Variants in KCNN2 observed in about 807,000 individuals in gnomAD.
KCNN2 encodes the protein potassium calcium-activated channel subfamily N member 2, also known as small conductance calcium-activated potassium channel protein 2.
In KCNN2, 24 loss-of-function variants were observed where a neutral mutation model predicts 55.5. The ratio of observed to expected loss-of-function variants is 0.43; its 90% confidence interval spans 0.31 to 0.61. The LOEUF (loss-of-function observed/expected upper bound fraction) is 0.61, where lower values mean the gene tolerates loss of function less well. Among genes scored for constraint, KCNN2 ranks in the 20% least tolerant of loss-of-function variants. The pLI, the probability that KCNN2 is intolerant of heterozygous loss-of-function variation, is 0.08. For synonymous variants in KCNN2, 431 were observed against 336.1 expected, an observed-to-expected ratio of 1.28 and a Z score of -3.09; for missense variants, 754 against 853.6, an observed-to-expected ratio of 0.88 and a Z score of 1.45.
At chr5:114,306,071 T>C (rs1047258279) in intron 2 of KCNN2, among the ~76,000 whole-genome samples, 5 of 152,200 alleles carry the variant, frequency 3.3e-5, no homozygotes, top group Non-Finnish European at 7.3e-5. Flanking sequence ...ATAGATTGCA[T>C]TATGACAGAG....
At chr5:114,346,198 C>T (rs748751163) in intron 2 of KCNN2, among the ~76,000 whole-genome samples, 7 of 152,148 alleles carry the variant, frequency 4.6e-5, no homozygotes, top group Non-Finnish European at 7.3e-5. Context: ...CTTATTAACA[C>T]TCACTCACTA....
In KCNN2 at chr5:114,363,057, C is replaced by CGGCGGT. The variant is rs759018681; in HGVS notation, c.924_929dup (p.Gly309_Gly310dup). On this transcript the variant is annotated inframe_insertion, in exon 1 of 8. Coordinates refer to ENST00000673685, the MANE Select transcript of KCNN2 (RefSeq NM_021614.4). ...GCGGAGGCAGCACTGGAGGAGGCGG[C>CGGCGGT]GGCGGTGGCGGGAGCGGGCACGGCA... 7.3e-5 allele frequency: 117 copies of CGGCGGT among 1,607,074 alleles called. No individual in the cohort carries two copies. The highest frequency in any genetic ancestry group is 9.8e-5 in the Non-Finnish European group (116 of 1,178,544).
intron 1 of KCNN2, among the ~76,000 whole-genome samples, chr5:114,187,478 T>C (rs1176157071): frequency 6.6e-6 from 1 of 150,972 alleles, no homozygotes; most frequent in Non-Finnish European, 1.5e-5. Flanking sequence ...CCAAGGGCTA[T>C]TAATATGTAA....
intron 3 of KCNN2, among the ~76,000 whole-genome samples, chr5:114,459,401 T>A (rs1175605789): frequency 6.6e-6 from 1 of 152,230 alleles, no homozygotes; most frequent in African/African-American, 2.4e-5. Context: ...ATTGTCTAAG[T>A]ATGTGAAGCG....
intron 2 of KCNN2, among the ~76,000 whole-genome samples, chr5:114,295,309 C>T (rs2150019864): frequency 6.6e-6 from 1 of 152,316 alleles, no homozygotes. Context: ...GAGGTGGAGC[C>T]TACAGAGGCA....
At chr5:114,422,366 C>A (rs148590097) in intron 3 of KCNN2, among the ~76,000 whole-genome samples, 60 of 152,246 alleles carry the variant, frequency 3.9e-4, no homozygotes, top group South Asian at 8.3e-4. Flanking sequence ...AGCTCCCTAG[C>A]CCCTTGCTCT....
intron 3 of KCNN2, among the ~76,000 whole-genome samples, chr5:114,426,287 G>T: frequency 6.6e-6 from 1 of 152,206 alleles, no homozygotes; most frequent in Non-Finnish European, 1.5e-5. Flanking sequence ...TGTCTATCAA[G>T]ATGCTTATAT....
At chr5:114,123,205 C>G (rs893987300) in intron 1 of KCNN2, among the ~76,000 whole-genome samples, 1 of 152,122 alleles carries the variant, frequency 6.6e-6, no homozygotes, top group African/African-American at 2.4e-5. Flanking sequence ...TAATTATTGA[C>G]AGATTCTTTA....
rs570960544 is a variant in KCNN2 at position 114,212,517 on chromosome 5, G to A, written c.-270-8963G>A. 9.9e-5 allele frequency among the ~76,000 whole-genome samples: 15 copies of A among 152,058 alleles called. No individual in the cohort carries two copies. In the South Asian group the frequency reaches 2.9e-3, roughly 29 times the overall value. ...CTAATTAATTGTGTAATTTAAATGA[G>A]TGAATGAATTATATATCAATAAAGC... On this transcript the variant is annotated intron_variant, in intron 1 of 10. Coordinates refer to the KCNN2 transcript ENST00000512097.
intron 1 of KCNN2, among the ~76,000 whole-genome samples, chr5:114,086,637 A>G (rs1751022668): frequency 1.3e-5 from 2 of 152,012 alleles, no homozygotes; most frequent in Non-Finnish European, 2.9e-5. Context: ...GGCAGGTAGT[A>G]TCCCACGATG....
chr5:114,165,342 G>A (rs528782469), intron 1 of KCNN2, among the ~76,000 whole-genome samples: 2 of 152,178 alleles, frequency 1.3e-5, no homozygotes, highest in South Asian at 2.1e-4. Flanking sequence ...TTGTGATGAT[G>A]CATTTCCACT....
chr5:114,489,199 A>G (rs1747724962), intron 6 of KCNN2, among the ~76,000 whole-genome samples: 1 of 152,220 alleles, frequency 6.6e-6, no homozygotes, highest in South Asian at 2.1e-4. Flanking sequence ...TATGTTCAGA[A>G]TACATTCACA....
At chr5:114,248,360 T>C (rs1269250334) in intron 2 of KCNN2, among the ~76,000 whole-genome samples, 1 of 152,118 alleles carries the variant, frequency 6.6e-6, no homozygotes, top group African/African-American at 2.4e-5. Context: ...AGAAGTTTAG[T>C]TATTTGGGGG....
At position 114,496,419 on chromosome 5, in the gene KCNN2, T is replaced by TAAC. The variant is rs1036119951; in HGVS notation, c.*238_*240dup. The stretch of plus-strand genomic sequence containing the variant: ...TAGATTGTTCCTCCTGTAATTTCAC[T>TAAC]AACTTTTTATTCATGCACTTCAAAC... On this transcript the variant is annotated 3_prime_UTR_variant, in exon 8 of 8. Coordinates refer to ENST00000673685, the MANE Select transcript of KCNN2 (RefSeq NM_021614.4). 22 of 431,772 alleles carry TAAC rather than the reference T, an allele frequency of 5.1e-5. No individual in the cohort carries two copies. In the Admixed American group the frequency reaches 8.2e-4, roughly 16 times the overall value. The allele number at this position is 431,772 out of a possible 1,614,324, so 26.7% of individuals were successfully genotyped here. A position where few individuals can be genotyped will look rare whatever the true frequency, so the allele number is the denominator to read the frequency against.
chr5:114,440,727 C>T (rs1465135061), intron 3 of KCNN2, among the ~76,000 whole-genome samples: 2 of 151,900 alleles, frequency 1.3e-5, no homozygotes, highest in African/African-American at 4.8e-5. Flanking sequence ...TCAAGTATGT[C>T]TTGTTAAAAG....
intron 1 of KCNN2, among the ~76,000 whole-genome samples, chr5:114,153,913 G>A (rs893842031): frequency 2.6e-5 from 4 of 152,058 alleles, no homozygotes; most frequent in Non-Finnish European, 5.9e-5. Flanking sequence ...CTCAATTGAA[G>A]GTCACTGTTT....
At chr5:114,123,097 T>G (rs373543465) in intron 1 of KCNN2, among the ~76,000 whole-genome samples, 1 of 152,138 alleles carries the variant, frequency 6.6e-6, no homozygotes, top group African/African-American at 2.4e-5. Flanking sequence ...GACACAAAGA[T>G]AAATCCATGT....
At chr5:114,149,515 A>G (rs1752472161) in intron 1 of KCNN2, among the ~76,000 whole-genome samples, 1 of 152,128 alleles carries the variant, frequency 6.6e-6, no homozygotes, top group East Asian at 1.9e-4. Flanking sequence ...TGCACTGGAT[A>G]TACCAGCATT....
intron 1 of KCNN2, among the ~76,000 whole-genome samples, chr5:114,156,528 T>G (rs1200861964): frequency 1.3e-5 from 2 of 152,164 alleles, no homozygotes; most frequent in Non-Finnish European, 2.9e-5. Context: ...GGAAGGTTTT[T>G]CCATTTGTTG....
Sources: gnomAD v4.1 joint callset for allele counts (sites outside exome capture counted in the v4.1 genomes callset) on GRCh38, gnomAD v4.1.1 for gene constraint, MANE v1.5 for transcripts, NCBI Gene and HGNC (gene_info 2026-07-23, HGNC 2026-07-21) for gene names.